SLC1A1: variants seen among roughly 807,000 people sequenced by gnomAD.
SLC1A1 encodes the protein solute carrier family 1 member 1, also known as excitatory amino acid transporter 3.
Under a neutral mutation model 53.3 loss-of-function variants are expected in SLC1A1, and 43 were observed. That is an observed-to-expected ratio of 0.81 (90% CI 0.63 to 1.04). SLC1A1 has a LOEUF of 1.04. Ranked by LOEUF, SLC1A1 falls within the 50% of genes least tolerant of loss-of-function variation. The pLI, the probability that SLC1A1 is intolerant of heterozygous loss-of-function variation, is 0.00. For synonymous variants in SLC1A1, 307 were observed against 243.2 expected (o/e 1.26, Z -2.44); for missense variants, 748 against 664.9 (o/e 1.12, Z -1.37).
At chr9:4,548,068 C>G (rs987089177) in intron 2 of SLC1A1, among the ~76,000 whole-genome samples, 14 of 152,048 alleles carry the variant, frequency 9.2e-5, no homozygotes, top group Non-Finnish European at 1.6e-4. Flanking sequence ...TTCAACTGAA[C>G]CTGTGTTTTT....
intron 8 of SLC1A1, among the ~76,000 whole-genome samples, chr9:4,575,182 G>A (rs562588934): frequency 4.6e-4 from 70 of 152,224 alleles, no homozygotes; most frequent in African/African-American, 1.6e-3. Flanking sequence ...AGATCCTCTC[G>A]CCAGAACTCC....
At chr9:4,513,321 A>G (rs1451830186) in intron 1 of SLC1A1, among the ~76,000 whole-genome samples, 2 of 152,234 alleles carry the variant, frequency 1.3e-5, no homozygotes, top group Admixed American at 6.5e-5. Flanking sequence ...CTAAATTTGT[A>G]TCCAGAATAT....
At chr9:4,567,598 T>A in intron 5 of SLC1A1, 71 bp from the exon 6 acceptor site, 2 of 926,684 alleles carry the variant, frequency 2.2e-6, no homozygotes, top group East Asian at 5.1e-5. Context: ...CATGTTCCTG[T>A]GATTTAGTCT....
At chr9:4,557,835 G>A (rs958995276) in intron 2 of SLC1A1, among the ~76,000 whole-genome samples, 3 of 152,078 alleles carry the variant, frequency 2.0e-5, no homozygotes, top group Non-Finnish European at 2.9e-5. Context: ...ATGGAATAGT[G>A]GTTAAGAATA....
At chr9:4,561,406 G>C (rs1206403913) in intron 2 of SLC1A1, 43 bp from the exon 3 acceptor site, 1 of 1,216,660 alleles carries the variant, frequency 8.2e-7, no homozygotes, top group South Asian at 1.2e-5. Flanking sequence ...CTGGAAACCT[G>C]TCTTTTAAAA....
At chr9:4,543,995 C>A (rs1010771112) in intron 1 of SLC1A1, among the ~76,000 whole-genome samples, 3 of 151,818 alleles carry the variant, frequency 2.0e-5, no homozygotes, top group African/African-American at 7.3e-5. Flanking sequence ...CCTGGGCAAC[C>A]GAATGAAACC....
chr9:4,492,646 A>C, intron 1 of SLC1A1, among the ~76,000 whole-genome samples: 1 of 152,152 alleles, frequency 6.6e-6, no homozygotes, highest in Non-Finnish European at 1.5e-5. Context: ...AAAAAAGTAC[A>C]AAAATTAGCG....
chr9:4,491,066 G>C (rs1820218395), intron 1 of SLC1A1, among the ~76,000 whole-genome samples: 1 of 152,210 alleles, frequency 6.6e-6, no homozygotes, highest in African/African-American at 2.4e-5. Context: ...AGTAGCTCTT[G>C]GTTCTGCTCG....
chr9:4,557,565 C>G (rs528388853), intron 2 of SLC1A1, among the ~76,000 whole-genome samples: 1 of 151,674 alleles, frequency 6.6e-6, no homozygotes, highest in Non-Finnish European at 1.5e-5. Context: ...GTGGGAGGAT[C>G]GCTGGAGCTC....
intron 1 of SLC1A1, among the ~76,000 whole-genome samples, chr9:4,529,321 C>T (rs75756088): frequency 0.024 from 3,702 of 152,268 alleles, 153 homozygotes; most frequent in African/African-American, 0.086. Context: ...TTATGGGCCA[C>T]ACTGAATTGC....
At position 4,561,340 on chromosome 9, in the gene SLC1A1, A is replaced by G. The variant is rs985089398; in HGVS notation, c.233-109A>G. 9 of 776,248 alleles carry G rather than the reference A, an allele frequency of 1.2e-5. No homozygotes were observed. The African/African-American group carries it at 1.5e-4, about 13-fold the overall frequency. 48.1% of individuals were successfully genotyped at this position (776,248 alleles called of 1,614,324 possible). ...TTGCATGTTATTGCCCATTGTCTGT[A>G]GATGAGAACGCCTCTCAGCTCTTTA... On this transcript the variant is annotated intron_variant, in intron 2 of 11. Transcript: ENST00000262352.
chr9:4,496,537 T>G (rs1488171465), intron 1 of SLC1A1, among the ~76,000 whole-genome samples: 1 of 150,744 alleles, frequency 6.6e-6, no homozygotes, highest in African/African-American at 2.5e-5. Context: ...GTTTTGTTTT[T>G]GTTTGTTTTT....
intron 2 of SLC1A1, among the ~76,000 whole-genome samples, chr9:4,547,110 T>G (rs997009964): frequency 1.3e-5 from 2 of 152,224 alleles, no homozygotes; most frequent in Admixed American, 6.5e-5. Context: ...CTCTTGACAG[T>G]CAATAACAAG....
rs548822116 is a variant in SLC1A1 at position 4,500,622 on chromosome 9, T to C, written c.91+9852T>C. Among the ~76,000 whole-genome samples the C allele has an allele frequency of 1.4e-4, 21 of 152,164 alleles. No homozygotes were observed. In the East Asian group the frequency reaches 3.5e-3, roughly 25 times the overall value. Reference sequence around the variant, plus strand: ...CACTGCACTGCGCCCAAGAAACTGATTTAGAAAGAGTTAATACATTATACT... The same window carrying C: ...CACTGCACTGCGCCCAAGAAACTGACTTAGAAAGAGTTAATACATTATACT... On this transcript the variant is annotated intron_variant, in intron 1 of 11. Transcript: ENST00000262352.
At chr9:4,513,812 T>C (rs1821073097) in intron 1 of SLC1A1, among the ~76,000 whole-genome samples, 1 of 152,168 alleles carries the variant, frequency 6.6e-6, no homozygotes, top group African/African-American at 2.4e-5. Flanking sequence ...TATTCTTCAA[T>C]AAGTAAATAA....
At chr9:4,551,035 G>C (rs1817888372) in intron 2 of SLC1A1, among the ~76,000 whole-genome samples, 1 of 152,192 alleles carries the variant, frequency 6.6e-6, no homozygotes, top group African/African-American at 2.4e-5. Context: ...ATCTAGTTGA[G>C]GTTGAATCCA....
chr9:4,584,169 A>G (rs76091031), intron 11 of SLC1A1, among the ~76,000 whole-genome samples: 1,930 of 152,314 alleles, frequency 0.013, 17 homozygotes, highest in East Asian at 0.021. Context: ...GATGAGATGG[A>G]AAGGGAAGCA....
At chr9:4,518,942 A>G (rs1586706619) in intron 1 of SLC1A1, among the ~76,000 whole-genome samples, 1 of 152,232 alleles carries the variant, frequency 6.6e-6, no homozygotes, top group Non-Finnish European at 1.5e-5. Context: ...TCCCAAAGCT[A>G]GAAAATAAAT....
rs149003103 is a variant in SLC1A1 at position 4,585,425 on chromosome 9, T to A, written c.1442T>A (p.Ile481Asn). Residue 481 changes from isoleucine to asparagine, a missense_variant, in exon 12 of 12, where the codon ATT (isoleucine) becomes AAT (asparagine). Physicochemically the swap from Ile to Asn is moderately radical, Grantham distance 149 (BLOSUM62 -3). Transcript: ENST00000262352. ...EQMDVSSEVN[I>N]VNPFALESTI... ...ATGGATGTTTCATCTGAAGTCAACA[T>A]TGTGAATCCCTTTGCCTTGGAATCC... 1,031 of 1,614,182 alleles carry A rather than the reference T, an allele frequency of 6.4e-4. 13 individuals are homozygous for A. The African/African-American group carries it at 0.012, about 19-fold the overall frequency.
Sources: gnomAD v4.1 joint callset for allele counts (sites outside exome capture counted in the v4.1 genomes callset) on GRCh38, gnomAD v4.1.1 for gene constraint, MANE v1.5 for transcripts, NCBI Gene and HGNC (gene_info 2026-07-23, HGNC 2026-07-21) for gene names.